SYNE2: variants seen among roughly 807,000 people sequenced by gnomAD.
SYNE2 encodes the protein spectrin repeat containing nuclear envelope protein 2, also known as nesprin-2.
A neutral mutation model predicts 856.3 loss-of-function variants in SYNE2; 431 were observed. The observed-to-expected ratio is 0.50, with a 90% CI of 0.47 to 0.55. SYNE2 has a LOEUF of 0.55. SYNE2 is among the 20% of genes least tolerant of loss of function. SYNE2 has a pLI of 0.00. For synonymous variants in SYNE2, 2,923 were observed against 2,872.3 expected (o/e 1.02, Z -0.56); for missense variants, 8,129 against 8,023.2 (o/e 1.01, Z -0.50).
At chr14:64,144,060 T>C in intron 83 of SYNE2, 112 bp downstream of exon 83, 2 of 1,216,542 alleles carry the variant, frequency 1.6e-6, no homozygotes, top group African/African-American at 1.5e-5. Flanking sequence ...CTAATAATCA[T>C]CTCAACTATA....
chr14:64,073,876 G>C, intron 52 of SYNE2, 92 bp from the exon 53 acceptor site: 1 of 1,373,384 alleles, frequency 7.3e-7, no homozygotes, highest in African/African-American at 1.4e-5. Context: ...TAGCTATTCA[G>C]GCATTTCATT....
intron 67 of SYNE2, 29 bp downstream of exon 67, chr14:64,119,638 T>A (rs764002790): frequency 6.2e-7 from 1 of 1,611,280 alleles, no homozygotes; most frequent in South Asian, 1.1e-5. Flanking sequence ...TGGACATTCA[T>A]CTTGATACAC....
At chr14:64,040,644 TGAAATATTTTCA>T (rs1485558832) in intron 45 of SYNE2, among the ~76,000 whole-genome samples, 2 of 147,648 alleles carry the variant, frequency 1.4e-5, no homozygotes, top group Non-Finnish European at 3.0e-5. Flanking sequence ...ATATATTTTC[TGAAATATTTTCA>T]GAAATATATA....
intron 1 of SYNE2, among the ~76,000 whole-genome samples, chr14:63,897,234 C>T (rs542750602): frequency 8.5e-5 from 13 of 152,090 alleles, no homozygotes; most frequent in African/African-American, 3.1e-4. Context: ...GCCTGGGCGA[C>T]AGAGTGAGAC....
chr14:63,994,113 T>C lies in SYNE2; in HGVS notation c.2781+144T>C. 3.7e-6 allele frequency: 3 copies of C among 816,270 alleles called. No homozygotes were observed. The East Asian group carries it at 7.7e-5, about 21-fold the overall frequency. The allele number at this position is 816,270 out of a possible 1,614,324, so 50.6% of individuals were successfully genotyped here. A position where few individuals can be genotyped will look rare whatever the true frequency, so the allele number is the denominator to read the frequency against. ...CTGCAGGCTGAAGTCCCAGGGTTCATACAGAGTTTCATAGCGGAATAGGTC... is the reference window on the plus strand; with the variant it reads ...CTGCAGGCTGAAGTCCCAGGGTTCACACAGAGTTTCATAGCGGAATAGGTC... On this transcript the variant is annotated intron_variant, in intron 22 of 115. Transcript: ENST00000555002.
intron 85 of SYNE2, among the ~76,000 whole-genome samples, chr14:64,153,246 T>C (rs2098259086): frequency 6.6e-6 from 1 of 152,220 alleles, no homozygotes; most frequent in South Asian, 2.1e-4. Flanking sequence ...ACAAAAGGCA[T>C]GTCAATGTCA....
At position 64,087,714 on chromosome 14, in the gene SYNE2, C is replaced by T. The variant is rs757893794; in HGVS notation, c.11528C>T (p.Ser3843Leu). Residue 3843 changes from serine to leucine, a missense_variant, in exon 58 of 116, where the codon TCA (serine) becomes TTA (leucine). Coordinates refer to ENST00000555002, the MANE Select transcript of SYNE2 (RefSeq NM_182914.3). ...GAACAGAAGCACAATCTTTTACATT[C>T]AATCTTTATGGATCTAGAAGACCTG... ...DSEQKHNLLHSIFMDLEDLSI... is the reference protein window; with the variant it reads ...DSEQKHNLLHLIFMDLEDLSI... The T allele has an allele frequency of 1.7e-5, 27 of 1,613,998 alleles. No homozygotes were observed. The East Asian group carries it at 5.8e-4, about 35-fold the overall frequency.
intron 85 of SYNE2, among the ~76,000 whole-genome samples, chr14:64,154,320 T>C (rs1256768122): frequency 6.6e-6 from 1 of 152,040 alleles, no homozygotes; most frequent in Non-Finnish European, 1.5e-5. Context: ...ATAGATACAT[T>C]GGACTTCATC....
At chr14:63,774,846 G>C (rs1439175090) in intron 1 of SYNE2, among the ~76,000 whole-genome samples, 1 of 152,114 alleles carries the variant, frequency 6.6e-6, no homozygotes, top group African/African-American at 2.4e-5. Context: ...GAAATGCAAG[G>C]CAGCATGTTA....
At chr14:64,123,055 C>T (rs1269139832) in intron 70 of SYNE2, among the ~76,000 whole-genome samples, 2 of 151,064 alleles carry the variant, frequency 1.3e-5, no homozygotes, top group Non-Finnish European at 2.9e-5. Flanking sequence ...GCTGAGATCG[C>T]GCCATTGCAC....
intron 1 of SYNE2, among the ~76,000 whole-genome samples, chr14:63,853,489 G>A (rs145527224): frequency 0.056 from 8,451 of 151,832 alleles, 259 homozygotes; most frequent in Middle Eastern, 0.1. Context: ...TGCGCGGGAG[G>A]CTGTGCCCGG....
chr14:64,157,778 G>T (rs1276537808), intron 85 of SYNE2, among the ~76,000 whole-genome samples: 1 of 152,140 alleles, frequency 6.6e-6, no homozygotes, highest in Non-Finnish European at 1.5e-5. Flanking sequence ...CATCAAAGTG[G>T]ATGTGAAATA....
At chr14:64,126,936 T>A (rs1396185013) in intron 73 of SYNE2, 129 bp downstream of exon 73, 5 of 1,076,694 alleles carry the variant, frequency 4.6e-6, no homozygotes. Flanking sequence ...GACTCTTCTG[T>A]TTGTTGCTCA....
intron 48 of SYNE2, 95 bp from the exon 49 acceptor site, chr14:64,055,849 G>A: frequency 1.4e-6 from 1 of 719,216 alleles, no homozygotes; most frequent in Non-Finnish European, 2.3e-6. Flanking sequence ...AAAAGACTCA[G>A]AGACATATTA....
Position 64,210,062 on chromosome 14 carries a change from G to A in SYNE2, c.18661G>A (p.Glu6221Lys), listed in dbSNP as rs781623552. 1.9e-5 allele frequency: 31 copies of A among 1,613,960 alleles called. No homozygotes were observed. The highest frequency in any genetic ancestry group is 8.3e-5 in the Admixed American group (5 of 60,010). The change falls in exon 103 of 116, where the codon GAG becomes AAG. Residue 6221 changes from glutamate (E) to lysine (K), a missense_variant. Transcript: ENST00000555002. ...CAGCAGGCTGAAGCAGATGGTCCAC[G>A]AGGGCAACCAGCGCTGGGACAACCT... The part of the protein sequence containing the change: ...TASRLKQMVH[E>K]GNQRWDNLQR...
intron 112 of SYNE2, among the ~76,000 whole-genome samples, chr14:64,222,329 G>T (rs957539057): frequency 1.3e-5 from 2 of 152,166 alleles, no homozygotes; most frequent in Non-Finnish European, 2.9e-5. Context: ...GAGATGACCT[G>T]TGTCTGCACT....
intron 1 of SYNE2, among the ~76,000 whole-genome samples, chr14:63,838,504 A>G (rs72716392): frequency 1.3e-5 from 2 of 152,036 alleles, no homozygotes; most frequent in Non-Finnish European, 2.9e-5. Flanking sequence ...ATCCATGTAC[A>G]TTATTTATGT....
intron 97 of SYNE2, among the ~76,000 whole-genome samples, chr14:64,188,201 G>T (rs2098501345): frequency 6.6e-6 from 1 of 152,154 alleles, no homozygotes; most frequent in Non-Finnish European, 1.5e-5. Flanking sequence ...ATAAGGATTT[G>T]ATTCGTTGTT....
intron 90 of SYNE2, 130 bp downstream of exon 90, chr14:64,165,540 TCTCG>T (rs2098370919): frequency 1.0e-6 from 1 of 980,896 alleles, no homozygotes. Flanking sequence ...TGAGACGGAC[TCTCG>T]CTCTGTCACC....
Sources: gnomAD v4.1 joint callset for allele counts (sites outside exome capture counted in the v4.1 genomes callset) on GRCh38, gnomAD v4.1.1 for gene constraint, MANE v1.5 for transcripts, NCBI Gene and HGNC (gene_info 2026-07-23, HGNC 2026-07-21) for gene names.